Variants in DGKB observed in about 807,000 individuals in gnomAD.
DGKB encodes the protein diacylglycerol kinase beta.
A neutral mutation model predicts 114.3 loss-of-function variants in DGKB; 67 were observed. That is an observed-to-expected ratio of 0.59 (90% confidence interval 0.48 to 0.72). DGKB has a LOEUF of 0.72. Ranked by LOEUF, DGKB falls within the 30% of genes least tolerant of loss-of-function variation. The pLI is 0.00. For synonymous variants in DGKB, 398 were observed against 323.1 expected (o/e 1.23, Z -2.49); for missense variants, 907 against 975.2 (o/e 0.93, Z 0.93).
intron 1 of DGKB, among the ~76,000 whole-genome samples, chr7:14,877,023 C>T (rs558611572): frequency 2.1e-4 from 32 of 152,172 alleles, no homozygotes; most frequent in African/African-American, 6.0e-4. Flanking sequence ...TTTAGTGCTA[C>T]GAAGAAGCAC....
intron 4 of DGKB, among the ~76,000 whole-genome samples, chr7:14,747,531 G>C (rs1205169972): frequency 1.3e-5 from 2 of 151,938 alleles, no homozygotes; most frequent in African/African-American, 2.4e-5. Flanking sequence ...ATAAATGGAT[G>C]ATATCTTCAT....
In DGKB at chr7:14,559,873, C is replaced by CT. The variant is rs538550419; in HGVS notation, c.1770+14338dup. Among the ~76,000 whole-genome samples, 9 of 151,558 alleles carry CT rather than the reference C, an allele frequency of 5.9e-5. No individual in the cohort carries two copies. The South Asian group carries it at 6.3e-4, about 11-fold the overall frequency. ...AATTATTTCTTTTTTCTTTTCTTTT[C>CT]TTTTTTTTACTTTTCTTTTCTCTTC... On this transcript the variant is annotated intron_variant, in intron 20 of 25. Coordinates refer to ENST00000402815, the MANE Select transcript of DGKB (RefSeq NM_001350709.2).
At chr7:14,327,062 T>G (rs931792110) in intron 23 of DGKB, among the ~76,000 whole-genome samples, 4 of 152,198 alleles carry the variant, frequency 2.6e-5, no homozygotes, top group Non-Finnish European at 5.9e-5. Context: ...ATACCTATAG[T>G]AATTCATTTA....
chr7:14,407,253 C>G (rs541840328), intron 21 of DGKB, among the ~76,000 whole-genome samples: 1 of 152,056 alleles, frequency 6.6e-6, no homozygotes, highest in African/African-American at 2.4e-5. Context: ...TGAAATTTGT[C>G]CTTAATTTAT....
intron 25 of DGKB, among the ~76,000 whole-genome samples, chr7:14,161,085 A>G (rs971610334): frequency 2.0e-5 from 3 of 152,264 alleles, no homozygotes; most frequent in Admixed American, 1.3e-4. Flanking sequence ...TGGTCATTAG[A>G]GAAATGCAAA....
rs190529971 is a variant in DGKB at position 14,505,312 on chromosome 7, G to T, written c.1771-27087C>A. On this transcript the variant is annotated intron_variant, in intron 20 of 25. Coordinates refer to ENST00000402815, the MANE Select transcript of DGKB (RefSeq NM_001350709.2). ...TCTACTAAAAATACAAAAATTAGCT[G>T]GGCGTGTTGGCACACATGCTAATCC... Among the ~76,000 whole-genome samples the T allele has an allele frequency of 4.3e-3, 655 of 152,092 alleles. 3 individuals carry two copies. The highest frequency in any genetic ancestry group is 0.015 in the African/African-American group (614 of 41,494).
chr7:14,288,742 T>G (rs1241622398), intron 23 of DGKB, among the ~76,000 whole-genome samples: 2 of 152,206 alleles, frequency 1.3e-5, no homozygotes, highest in Non-Finnish European at 2.9e-5. Flanking sequence ...ATGTTTTCAT[T>G]GTTTACATGA....
At chr7:14,262,056 C>A (rs1264658636) in intron 23 of DGKB, among the ~76,000 whole-genome samples, 1 of 152,116 alleles carries the variant, frequency 6.6e-6, no homozygotes, top group East Asian at 1.9e-4. Flanking sequence ...ATGTATTTAT[C>A]CTATCTTGTC....
chr7:14,663,559 T>C (rs1422916921), intron 13 of DGKB, among the ~76,000 whole-genome samples: 1 of 151,704 alleles, frequency 6.6e-6, no homozygotes, highest in African/African-American at 2.4e-5. Context: ...CATTATTCTC[T>C]CTTCCTTCTT....
chr7:14,910,274 GA>G (rs1783925555), intron 1 of DGKB, among the ~76,000 whole-genome samples: 1 of 110,710 alleles, frequency 9.0e-6, no homozygotes, highest in Admixed American at 9.0e-5. Flanking sequence ...AAGAAAGAAA[GA>G]AAGAAAGAAA....
chr7:14,231,095 CTTTCTTTCTTTCTTTCTTTCTTTCT>C (rs1791704510), intron 23 of DGKB, among the ~76,000 whole-genome samples: 2 of 102,234 alleles, frequency 2.0e-5, no homozygotes, highest in Non-Finnish European at 4.0e-5. Flanking sequence ...TTCTTTCTTT[CTTTCTTTCTTTCTTTCTTTCTTTCT>C]TTCTTTCTTT....
At chr7:14,337,077 T>C (rs937873111) in intron 23 of DGKB, among the ~76,000 whole-genome samples, 9 of 152,144 alleles carry the variant, frequency 5.9e-5, no homozygotes, top group African/African-American at 2.2e-4. Flanking sequence ...AAAAGGGTTT[T>C]TTAAGCTTGG....
At chr7:14,206,609 A>T (rs770444344) in intron 23 of DGKB, among the ~76,000 whole-genome samples, 1 of 152,034 alleles carries the variant, frequency 6.6e-6, no homozygotes, top group Non-Finnish European at 1.5e-5. Flanking sequence ...CCCCACTGAG[A>T]TATTTTTTAC....
At chr7:14,256,877 A>T (rs1050701990) in intron 23 of DGKB, among the ~76,000 whole-genome samples, 1 of 152,220 alleles carries the variant, frequency 6.6e-6, no homozygotes, top group Admixed American at 6.5e-5. Context: ...AATTATGAGA[A>T]TAACTCAGCT....
intron 4 of DGKB, among the ~76,000 whole-genome samples, chr7:14,746,802 T>A (rs1225914636): frequency 6.6e-6 from 1 of 152,104 alleles, no homozygotes; most frequent in Non-Finnish European, 1.5e-5. Context: ...CCCAGCCAAT[T>A]TGCCTTTTTA....
At chr7:14,739,399 C>A (rs1428281920) in intron 4 of DGKB, among the ~76,000 whole-genome samples, 1 of 152,172 alleles carries the variant, frequency 6.6e-6, no homozygotes, top group African/African-American at 2.4e-5. Flanking sequence ...ATGCTCTATG[C>A]AGGGGAGAAT....
intron 23 of DGKB, among the ~76,000 whole-genome samples, chr7:14,202,215 A>AT (rs528555059): frequency 1.4e-4 from 22 of 151,886 alleles, no homozygotes; most frequent in Admixed American, 2.6e-4. Context: ...TGTTAACTGG[A>AT]TTTTTTTTCT....
At chr7:14,851,017 G>A (rs1046284665) in intron 1 of DGKB, among the ~76,000 whole-genome samples, 1 of 152,244 alleles carries the variant, frequency 6.6e-6, no homozygotes, top group East Asian at 1.9e-4. Flanking sequence ...AATAGCATGT[G>A]CACAGTACAT....
At chr7:14,459,535 T>G (rs1394444831) in intron 21 of DGKB, among the ~76,000 whole-genome samples, 1 of 151,632 alleles carries the variant, frequency 6.6e-6, no homozygotes, top group East Asian at 2.0e-4. Context: ...AAAGAAAGCA[T>G]GAAGACAAGA....
Sources: allele counts gnomAD v4.1 joint callset (sites outside exome capture counted in the v4.1 genomes callset), GRCh38; gene constraint gnomAD v4.1.1; transcripts MANE v1.5; gene names NCBI Gene and HGNC (gene_info 2026-07-23, HGNC 2026-07-21).